The following ANKRD17 variants were observed in gnomAD, a reference collection of about 807,000 sequenced individuals.
The protein encoded by ANKRD17 is ankyrin repeat domain 17, also known as ankyrin repeat domain-containing protein 17.
In ANKRD17, 19 loss-of-function variants were observed where a neutral mutation model predicts 229.7. The observed-to-expected ratio is 0.08, with a 90% CI of 0.06 to 0.12. The LOEUF (loss-of-function observed/expected upper bound fraction) is 0.12. Ranked by LOEUF, ANKRD17 falls within the 10% of genes least tolerant of loss-of-function variation. The pLI, the probability that ANKRD17 is intolerant of heterozygous loss-of-function variation, is 1.00. For missense variants in ANKRD17, 2,176 were observed against 3,176.8 expected, an observed-to-expected ratio of 0.68 and a Z score of 7.57; for synonymous variants, 1,112 against 1,146.1, an observed-to-expected ratio of 0.97 and a Z score of 0.60.
intron 2 of ANKRD17, among the ~76,000 whole-genome samples, chr4:73,175,445 A>AT (rs1052656922): frequency 1.3e-5 from 2 of 152,206 alleles, no homozygotes; most frequent in African/African-American, 4.8e-5. Flanking sequence ...GAGCCAAACC[A>AT]TATCACAATC....
At chr4:73,236,446 G>A (rs1448878949) in intron 1 of ANKRD17, among the ~76,000 whole-genome samples, 1 of 152,134 alleles carries the variant, frequency 6.6e-6, no homozygotes, top group African/African-American at 2.4e-5. Flanking sequence ...ACTGCAACCA[G>A]CCTGAAATCC....
intron 1 of ANKRD17, among the ~76,000 whole-genome samples, chr4:73,204,728 A>G (rs1739221998): frequency 6.6e-6 from 1 of 152,198 alleles, no homozygotes; most frequent in Non-Finnish European, 1.5e-5. Flanking sequence ...TTCAGACCAG[A>G]GACATAAGAG....
intron 30 of ANKRD17, among the ~76,000 whole-genome samples, chr4:73,082,379 T>C (rs1358364878): frequency 6.6e-6 from 1 of 152,014 alleles, no homozygotes; most frequent in Non-Finnish European, 1.5e-5. Flanking sequence ...TCCCAGCTAC[T>C]TGGGAGGCTG....
rs74981720 is a variant in ANKRD17 at position 73,147,271 on chromosome 4, A to G, written c.1729T>C (p.Leu577=). 1.7e-4 allele frequency: 272 copies of G among 1,576,098 alleles called. No individual in the cohort carries two copies. The African/African-American group carries it at 3.5e-3, about 20-fold the overall frequency. The change falls in exon 9 of 34, where the codon TTG becomes CTG. Residue 577 remains leucine, a synonymous_variant. Transcript: ENST00000358602. ...PLMEAAQEGH[L]ELVKYLLAAG... Reference sequence around the variant, plus strand: ...GCTAATAAGTATTTAACTAACTCCAAATGACCCTCTTGAGCAGCTTCCATT... The same window carrying G: ...GCTAATAAGTATTTAACTAACTCCAGATGACCCTCTTGAGCAGCTTCCATT...
At chr4:73,123,928 C>T (rs1052145660) in intron 18 of ANKRD17, among the ~76,000 whole-genome samples, 11 of 150,976 alleles carry the variant, frequency 7.3e-5, no homozygotes, top group Non-Finnish European at 4.4e-5. Flanking sequence ...GAAACAGTCA[C>T]GATGATGAAG....
In ANKRD17 at chr4:73,125,235, C is replaced by T. The variant is rs200435813; in HGVS notation, c.3312G>A (p.Glu1104=). Residue 1104 remains glutamate (E), a synonymous_variant, in exon 17 of 34, where the codon GAG becomes GAA. Transcript: ENST00000358602. ...CTCGGTGCTCTATACTAGCTCCTCTCTCTAGCAGTGTTTGTACCAGTTCCT... is the reference window on the plus strand; with the variant it reads ...CTCGGTGCTCTATACTAGCTCCTCTTTCTAGCAGTGTTTGTACCAGTTCCT... ...GHEELVQTLL[E]RGASIEHRDK... is the part of the protein sequence containing the mutation. The T allele has an allele frequency of 6.2e-7, 1 of 1,613,924 alleles. No individual in the cohort carries two copies. Among genetic ancestry groups the T allele is most frequent in the African/African-American group, 1.3e-5 (1 of 74,980 alleles).
At chr4:73,154,696 T>C (rs1001082552) in intron 5 of ANKRD17, among the ~76,000 whole-genome samples, 4 of 152,132 alleles carry the variant, frequency 2.6e-5, no homozygotes, top group Non-Finnish European at 5.9e-5. Context: ...ACCTTCTGGG[T>C]AAAATAAGAA....
chr4:73,192,354 A>AG (rs1560694436), intron 1 of ANKRD17, among the ~76,000 whole-genome samples: 1 of 152,088 alleles, frequency 6.6e-6, no homozygotes, highest in Non-Finnish European at 1.5e-5. Context: ...AGCAAAAAAA[A>AG]CAAAAACAAA....
Position 73,141,759 on chromosome 4 carries a change from G to C in ANKRD17, c.2314C>G (p.Leu772Val). The C allele has an allele frequency of 1.9e-6, 3 of 1,613,746 alleles. No homozygotes were observed. Among genetic ancestry groups the C allele is most frequent in the Non-Finnish European group, 2.5e-6 (3 of 1,179,724 alleles). Residue 772 changes from leucine (L) to valine (V), a missense_variant, in exon 14 of 34, where the codon CTT (leucine) becomes GTT (valine). This residue lies in a region of ANKRD17 where 275 missense variants were observed against 386.9 expected (regional missense o/e 0.71). Coordinates refer to ENST00000358602, the MANE Select transcript of ANKRD17 (RefSeq NM_032217.5). ...AACTGACCTTTATTCCTGATGGGAA[G>C]AGTGGTGGCAACATTGGCAGGTGGT... Reference protein sequence around the residue: ...DKPPANVATTLPIRNKAASKQ... With the variant: ...DKPPANVATTVPIRNKAASKQ...
chr4:73,209,063 G>A (rs1325220965), intron 1 of ANKRD17, among the ~76,000 whole-genome samples: 1 of 151,982 alleles, frequency 6.6e-6, no homozygotes, highest in African/African-American at 2.4e-5. Context: ...AAAATTAGCT[G>A]GGCATGGTGG....
At chr4:73,218,012 G>T (rs745652997) in intron 1 of ANKRD17, among the ~76,000 whole-genome samples, 2 of 152,242 alleles carry the variant, frequency 1.3e-5, no homozygotes, top group Admixed American at 6.5e-5. Context: ...TGTGTGTGGA[G>T]TATATGTAAG....
At chr4:73,111,673 T>A (rs1725336473) in intron 24 of ANKRD17, among the ~76,000 whole-genome samples, 1 of 152,206 alleles carries the variant, frequency 6.6e-6, no homozygotes, top group Admixed American at 6.5e-5. Flanking sequence ...GGAAACAAAC[T>A]TATTATGGAC....
intron 6 of ANKRD17, 121 bp downstream of exon 6, chr4:73,153,759 C>G: frequency 1.6e-6 from 1 of 639,222 alleles, no homozygotes; most frequent in African/African-American, 1.9e-5. Context: ...ACTTATTTAA[C>G]CTTTAATTAC....
intron 1 of ANKRD17, among the ~76,000 whole-genome samples, chr4:73,197,096 C>T (rs1042535439): frequency 1.3e-5 from 2 of 152,134 alleles, no homozygotes; most frequent in African/African-American, 2.4e-5. Flanking sequence ...AACTCCCTAC[C>T]AATCACTCTA....
At chr4:73,105,539 CA>C (rs1724509518) in intron 24 of ANKRD17, among the ~76,000 whole-genome samples, 1 of 151,766 alleles carries the variant, frequency 6.6e-6, no homozygotes, top group South Asian at 2.1e-4. Context: ...GTAAACCTCA[CA>C]AAAGTGGTGG....
rs199514797 is a variant in ANKRD17 at position 73,177,450 on chromosome 4, A to G, written c.477T>C (p.Ala159=). 3.7e-6 allele frequency: 6 copies of G among 1,613,862 alleles called. No individual in the cohort carries two copies. The East Asian group carries it at 1.3e-4, about 36-fold the overall frequency. Residue 159 remains alanine (A), a synonymous_variant, in exon 2 of 34, where the codon GCT becomes GCC. Coordinates refer to ENST00000358602, the MANE Select transcript of ANKRD17 (RefSeq NM_032217.5). ...CTACTGTCCTGAGGTCTGCACCATC[A>G]GCAGTACCTGATAAGAGCAACTTGG... The part of the protein sequence containing the change: ...TASKLLLSGT[A]DGADLRTVDP...
chr4:73,203,624 G>GGCT (rs1281719637), intron 1 of ANKRD17, among the ~76,000 whole-genome samples: 1 of 151,872 alleles, frequency 6.6e-6, no homozygotes, highest in African/African-American at 2.4e-5. Flanking sequence ...CGGGCTTGGT[G>GGCT]GCTGATGCCT....
intron 2 of ANKRD17, among the ~76,000 whole-genome samples, chr4:73,174,385 C>G (rs1734458717): frequency 6.6e-6 from 1 of 152,214 alleles, no homozygotes; most frequent in East Asian, 1.9e-4. Context: ...TCCAGCCATC[C>G]CTTTATCATT....
At chr4:73,084,802 A>T (rs1721948436) in intron 30 of ANKRD17, among the ~76,000 whole-genome samples, 1 of 152,122 alleles carries the variant, frequency 6.6e-6, no homozygotes, top group South Asian at 2.1e-4. Context: ...CAAGGGTAGA[A>T]ATCTTTCTCC....
Sources: allele counts gnomAD v4.1 joint callset (sites outside exome capture counted in the v4.1 genomes callset), GRCh38; gene constraint gnomAD v4.1.1; regional missense constraint gnomAD v4.1.1; transcripts MANE v1.5; gene names NCBI Gene and HGNC (gene_info 2026-07-23, HGNC 2026-07-21).